Variants in PDE8B observed in about 807,000 individuals in gnomAD.
The protein encoded by PDE8B is phosphodiesterase 8B.
PDE8B carries 26 observed loss-of-function variants against 101.3 expected under a neutral mutation model. The observed-to-expected ratio is 0.26, with a 90% CI of 0.19 to 0.36. The LOEUF is 0.36. Ranked by LOEUF, PDE8B falls within the 10% of genes least tolerant of loss-of-function variation. The pLI is 1.00. For missense variants in PDE8B, 810 were observed against 1,163.1 expected, an observed-to-expected ratio of 0.70 and a Z score of 4.42; for synonymous variants, 424 against 429.3, an observed-to-expected ratio of 0.99 and a Z score of 0.15.
At chr5:77,280,739 C>CA (rs1027858845) in intron 1 of PDE8B, among the ~76,000 whole-genome samples, 5 of 151,792 alleles carry the variant, frequency 3.3e-5, no homozygotes, top group Non-Finnish European at 5.9e-5. Context: ...ACTGAAAATA[C>CA]AAAAAAAATT....
chr5:77,316,725 C>T (rs562878479), intron 2 of PDE8B, among the ~76,000 whole-genome samples: 4 of 152,214 alleles, frequency 2.6e-5, no homozygotes, highest in African/African-American at 9.6e-5. Context: ...TTAAAACATA[C>T]AAAAATATTT....
At chr5:77,338,668 GTTA>G (rs1561548040) in intron 6 of PDE8B, among the ~76,000 whole-genome samples, 2 of 152,020 alleles carry the variant, frequency 1.3e-5, no homozygotes, top group African/African-American at 4.8e-5. Flanking sequence ...TAGATTAATT[GTTA>G]TTATTCCTGG....
the PDE8B span, chr5:77,115,072 G>A: frequency 1.3e-5 from 2 of 152,190 alleles, no homozygotes; most frequent in African/African-American, 4.8e-5. Flanking sequence ...GGCCAAATGT[G>A]CCAGATGCAG....
chr5:77,271,433 G>A (rs934206862), intron 1 of PDE8B, among the ~76,000 whole-genome samples: 1 of 152,224 alleles, frequency 6.6e-6, no homozygotes, highest in African/African-American at 2.4e-5. Flanking sequence ...AATGGTTAAG[G>A]AGTTGGGGAT....
intron 1 of PDE8B, among the ~76,000 whole-genome samples, chr5:77,243,519 C>A: frequency 6.6e-6 from 1 of 152,204 alleles, no homozygotes; most frequent in East Asian, 1.9e-4. Flanking sequence ...CCTGCTCCCA[C>A]TCCCAGACCC....
Position 77,211,892 on chromosome 5 carries a change from G to A in PDE8B, c.339+628G>A, listed in dbSNP as rs1748506673. Reference sequence around the variant, plus strand: ...TTGGCTGCATCCTAGACAGAATTGAGAGAACCGGGCCATGAGTTCGGAGTG... The same window carrying A: ...TTGGCTGCATCCTAGACAGAATTGAAAGAACCGGGCCATGAGTTCGGAGTG... On this transcript the variant is annotated intron_variant, in intron 1 of 21. Transcript: ENST00000264917. The surrounding 1 kb of genome is among the most constrained non-coding windows in gnomAD (Gnocchi z 4.1). Among the ~76,000 whole-genome samples, 1 of 152,164 alleles carries A rather than the reference G, an allele frequency of 6.6e-6. No homozygotes were observed. The highest frequency in any genetic ancestry group is 1.5e-5 in the Non-Finnish European group (1 of 68,034).
At position 77,329,054 on chromosome 5, in the gene PDE8B, G is replaced by T; in HGVS notation, c.647G>T (p.Arg216Leu). 1 of 1,612,028 alleles carries T rather than the reference G, an allele frequency of 6.2e-7. No individual in the cohort carries two copies. The highest frequency in any genetic ancestry group is 1.1e-5 in the South Asian group (1 of 91,036). Reference sequence around the variant, plus strand: ...ACGGTGATCCTCGCAGTGGTTTCGCGAGTGTAAGTGCACCTCCCATTCCCA... The same window carrying T: ...ACGGTGATCCTCGCAGTGGTTTCGCTAGTGTAAGTGCACCTCCCATTCCCA... ...EHTVILAVVSRVSDDHEEASV... is the reference protein window; with the variant it reads ...EHTVILAVVSLVSDDHEEASV... Residue 216 changes from arginine (R) to leucine (L), a missense_variant, in exon 4 of 22, where the codon CGA becomes CTA. By Grantham distance (102) the Arg-to-Leu change is moderately radical (BLOSUM62 -2). This residue lies in a region of PDE8B where 251 missense variants were observed against 378.8 expected (regional missense o/e 0.66). Transcript: ENST00000264917.
chr5:77,407,215 CAG>C (rs1465952414), intron 12 of PDE8B, among the ~76,000 whole-genome samples, 164 bp from the exon 13 acceptor site: 1 of 152,198 alleles, frequency 6.6e-6, no homozygotes, highest in Non-Finnish European at 1.5e-5. Flanking sequence ...AGGCAAGTAG[CAG>C]TTGGGCTACC....
At chr5:77,246,353 C>T (rs1756944473) in intron 1 of PDE8B, among the ~76,000 whole-genome samples, 2 of 152,176 alleles carry the variant, frequency 1.3e-5, no homozygotes, top group Non-Finnish European at 2.9e-5. Context: ...GGGGACTCCT[C>T]CGCCATCTGA....
chr5:77,388,835 C>A (rs932905971), intron 10 of PDE8B, among the ~76,000 whole-genome samples: 1 of 152,262 alleles, frequency 6.6e-6, no homozygotes, highest in Non-Finnish European at 1.5e-5. Flanking sequence ...GTGGGCTCCA[C>A]CCAGTTCGAA....
chr5:77,106,671 C>G, the PDE8B span, among the ~76,000 whole-genome samples: 1 of 152,064 alleles, frequency 6.6e-6, no homozygotes, highest in African/African-American at 2.4e-5. Context: ...TATGTTCAAT[C>G]TGTGAGCCAA....
chr5:77,315,819 T>A (rs533191515), intron 2 of PDE8B, among the ~76,000 whole-genome samples: 87 of 152,320 alleles, frequency 5.7e-4, no homozygotes, highest in Admixed American at 2.7e-3. Flanking sequence ...TTTAACCTTT[T>A]CCCTTATATT....
intron 5 of PDE8B, among the ~76,000 whole-genome samples, chr5:77,335,181 G>A (rs570865522): frequency 2.0e-5 from 3 of 152,242 alleles, no homozygotes; most frequent in South Asian, 2.1e-4. Context: ...AAACAGTGTC[G>A]TGATATACAT....
the PDE8B span, among the ~76,000 whole-genome samples, chr5:77,189,308 T>A: frequency 2.0e-5 from 3 of 151,928 alleles, no homozygotes; most frequent in Non-Finnish European, 4.4e-5. Flanking sequence ...CCTTCAAGTG[T>A]TGGGATAAAG....
the PDE8B span, among the ~76,000 whole-genome samples, chr5:77,133,983 T>C: frequency 1.3e-5 from 2 of 152,196 alleles, no homozygotes; most frequent in Admixed American, 1.3e-4. Flanking sequence ...AGATTTGCCT[T>C]TCCTTGCCAC....
chr5:77,209,763 T>C (rs1170171281), upstream of PDE8B, among the ~76,000 whole-genome samples: 14 of 152,150 alleles, frequency 9.2e-5, no homozygotes, highest in Non-Finnish European at 1.9e-4. Context: ...GAAACCAGCA[T>C]GAACATTTAG....
chr5:77,238,492 G>A (rs1755126169), intron 1 of PDE8B, among the ~76,000 whole-genome samples: 1 of 152,014 alleles, frequency 6.6e-6, no homozygotes, highest in Non-Finnish European at 1.5e-5. Flanking sequence ...CTTGCTTATT[G>A]GAATTTTTTA....
intron 1 of PDE8B, among the ~76,000 whole-genome samples, chr5:77,249,502 A>G (rs1757625082): frequency 6.6e-6 from 1 of 152,240 alleles, no homozygotes; most frequent in South Asian, 2.1e-4. Flanking sequence ...GGCTGTATCT[A>G]CCAAGTGGCA....
At chr5:77,187,289 G>A in the PDE8B span, among the ~76,000 whole-genome samples, 3 of 152,186 alleles carry the variant, frequency 2.0e-5, no homozygotes, top group South Asian at 2.1e-4. Context: ...GAGGGATGAT[G>A]CAATTTCAGT....
Sources: allele counts gnomAD v4.1 joint callset (sites outside exome capture counted in the v4.1 genomes callset), GRCh38; gene constraint gnomAD v4.1.1; regional missense constraint gnomAD v4.1.1; non-coding constraint Gnocchi (gnomAD v3.1); transcripts MANE v1.5; gene names NCBI Gene and HGNC (gene_info 2026-07-23, HGNC 2026-07-21).